Variants in NUBPL observed in about 807,000 individuals in gnomAD.
The protein encoded by NUBPL is NUBP iron-sulfur cluster assembly factor, mitochondrial, also known as iron-sulfur cluster transfer protein NUBPL.
NUBPL carries 31 observed loss-of-function variants against 45.7 expected under a neutral mutation model. The observed-to-expected ratio is 0.68, with a 90% confidence interval of 0.51 to 0.92. NUBPL has a LOEUF of 0.92. Among genes scored for constraint, NUBPL ranks in the 40% least tolerant of loss-of-function variants. The pLI is 0.00. For missense variants in NUBPL, 401 were observed against 398.7 expected (o/e 1.01, Z -0.05); for synonymous variants, 144 against 140.9 (o/e 1.02, Z -0.15).
At chr14:31,687,167 C>G (rs768271887) in intron 6 of NUBPL, among the ~76,000 whole-genome samples, 6 of 152,200 alleles carry the variant, frequency 3.9e-5, no homozygotes, top group Non-Finnish European at 8.8e-5. Context: ...TTTGAGTTTC[C>G]TGTATAACTG....
At chr14:31,858,834 G>T (rs184492292) in intron 10 of NUBPL, among the ~76,000 whole-genome samples, 3 of 152,150 alleles carry the variant, frequency 2.0e-5, no homozygotes, top group Admixed American at 1.3e-4. Flanking sequence ...AGACTGGGTT[G>T]CTAGTTTGCT....
At chr14:31,816,349 T>G (rs1489288510) in intron 7 of NUBPL, among the ~76,000 whole-genome samples, 9 of 152,188 alleles carry the variant, frequency 5.9e-5, no homozygotes, top group Admixed American at 4.6e-4. Flanking sequence ...TGATGGTAGT[T>G]TGTATTTCTG....
intron 4 of NUBPL, among the ~76,000 whole-genome samples, chr14:31,617,737 C>CT: frequency 1.3e-5 from 2 of 152,140 alleles, no homozygotes; most frequent in East Asian, 3.9e-4. Flanking sequence ...TTGAAATTTT[C>CT]TTTTTTTATT....
chr14:31,820,139 C>CAAAAA (rs59044182), intron 7 of NUBPL, among the ~76,000 whole-genome samples: 27 of 111,526 alleles, frequency 2.4e-4, no homozygotes, highest in African/African-American at 9.1e-4. Flanking sequence ...GACTCCATCT[C>CAAAAA]AAAAAAAAAA....
In NUBPL at chr14:31,740,202, A is replaced by T. The variant is rs1431897336; in HGVS notation, c.514-47578A>T. On this transcript the variant is annotated intron_variant, in intron 6 of 10. Transcript: ENST00000281081. Reference sequence around the variant, plus strand: ...CATGATTACTGGATCATATGGTAAGAGTATGTTTAATTTTGTAAGAAACCG... The same window carrying T: ...CATGATTACTGGATCATATGGTAAGTGTATGTTTAATTTTGTAAGAAACCG... 2.6e-5 allele frequency among the ~76,000 whole-genome samples: 4 copies of T among 152,262 alleles called. No individual in the cohort carries two copies. In the East Asian group the frequency reaches 7.7e-4, roughly 29 times the overall value.
chr14:31,693,813 A>AC (rs1390182662), intron 6 of NUBPL, among the ~76,000 whole-genome samples: 1 of 149,956 alleles, frequency 6.7e-6, no homozygotes, highest in Non-Finnish European at 1.5e-5. Flanking sequence ...AAAAAAAAAA[A>AC]AAAAAAAAAA....
intron 6 of NUBPL, among the ~76,000 whole-genome samples, chr14:31,705,335 C>T (rs963100276): frequency 5.3e-5 from 8 of 152,196 alleles, no homozygotes; most frequent in Admixed American, 2.0e-4. Flanking sequence ...GCTTCCACAG[C>T]GTGGAAGGGG....
intron 4 of NUBPL, among the ~76,000 whole-genome samples, chr14:31,664,986 T>C (rs1270192295): frequency 6.6e-6 from 1 of 152,202 alleles, no homozygotes; most frequent in Non-Finnish European, 1.5e-5. Context: ...ATGCATTTCT[T>C]CTAGATTTTC....
chr14:31,776,155 G>T (rs1465536963), intron 6 of NUBPL, among the ~76,000 whole-genome samples: 1 of 151,918 alleles, frequency 6.6e-6, no homozygotes, highest in Non-Finnish European at 1.5e-5. Flanking sequence ...TATGCTTCAG[G>T]CCACACAAAA....
At chr14:31,761,976 A>G (rs1344923379) in intron 6 of NUBPL, among the ~76,000 whole-genome samples, 3 of 152,168 alleles carry the variant, frequency 2.0e-5, no homozygotes, top group Admixed American at 6.5e-5. Flanking sequence ...TTTACATTGT[A>G]CTAAGTTTTT....
intron 6 of NUBPL, among the ~76,000 whole-genome samples, chr14:31,678,458 C>T (rs746544581): frequency 1.4e-4 from 21 of 152,300 alleles, no homozygotes; most frequent in African/African-American, 4.1e-4. Context: ...GCATAGTTCC[C>T]GGGCATTGCT....
intron 6 of NUBPL, among the ~76,000 whole-genome samples, chr14:31,775,772 G>A (rs1001128720): frequency 1.1e-4 from 17 of 152,136 alleles, no homozygotes; most frequent in African/African-American, 2.7e-4. Flanking sequence ...GACTAACTGA[G>A]TCTACCCTGC....
At chr14:31,746,090 G>A (rs1348236513) in intron 6 of NUBPL, among the ~76,000 whole-genome samples, 2 of 152,048 alleles carry the variant, frequency 1.3e-5, no homozygotes, top group Non-Finnish European at 2.9e-5. Context: ...GCTCTGCAGA[G>A]TTAAGGGTTT....
At chr14:31,700,710 G>T (rs928636087) in intron 6 of NUBPL, among the ~76,000 whole-genome samples, 1 of 152,162 alleles carries the variant, frequency 6.6e-6, no homozygotes, top group African/African-American at 2.4e-5. Flanking sequence ...TGGAGGGTGC[G>T]CTGGGTCCTC....
chr14:31,625,709 C>A (rs1018348447), intron 4 of NUBPL, among the ~76,000 whole-genome samples: 3 of 152,110 alleles, frequency 2.0e-5, no homozygotes, highest in African/African-American at 7.2e-5. Flanking sequence ...CTCCTGACTT[C>A]AAGTGATCTG....
chr14:31,627,705 G>A (rs1024611547), intron 4 of NUBPL, among the ~76,000 whole-genome samples: 1 of 149,430 alleles, frequency 6.7e-6, no homozygotes, highest in Non-Finnish European at 1.5e-5. Context: ...GGCAGAGCTT[G>A]CAGTGAGCTG....
intron 8 of NUBPL, among the ~76,000 whole-genome samples, chr14:31,833,063 T>A (rs546326995): frequency 6.6e-6 from 1 of 152,156 alleles, no homozygotes; most frequent in African/African-American, 2.4e-5. Flanking sequence ...AACTAATCCC[T>A]TTAGTTGGTA....
rs181306504 is a variant in NUBPL, at chr14:31,808,406, C to T, written c.608-18223C>T. 2.6e-3 allele frequency among the ~76,000 whole-genome samples: 394 copies of T among 152,186 alleles called. 2 individuals carry two copies. The highest frequency in any genetic ancestry group is 8.8e-3 in the African/African-American group (365 of 41,528). On this transcript the variant is annotated intron_variant, in intron 7 of 10. Transcript: ENST00000281081. ...AGCAATTGTGAATGGGATTCACTCA[C>T]GATTTGGCTCTCTGTCTGTTATTTG... is the stretch of plus-strand genomic sequence containing the variant.
intron 6 of NUBPL, among the ~76,000 whole-genome samples, chr14:31,727,479 G>T: frequency 6.6e-6 from 1 of 152,142 alleles, no homozygotes; most frequent in East Asian, 1.9e-4. Flanking sequence ...CAGCAGAAAA[G>T]GACAGCAGCA....
Sources: allele counts gnomAD v4.1 joint callset (sites outside exome capture counted in the v4.1 genomes callset), GRCh38; gene constraint gnomAD v4.1.1; transcripts MANE v1.5; gene names NCBI Gene and HGNC (gene_info 2026-07-23, HGNC 2026-07-21).